Variants in MVB12B observed in about 807,000 individuals in gnomAD.
MVB12B encodes ESCRT-I complex subunit MVB12B.
A neutral mutation model predicts 41.6 loss-of-function variants in MVB12B; 16 were observed. The observed-to-expected ratio is 0.38, with a 90% CI of 0.26 to 0.58. The LOEUF is 0.58. Ranked by LOEUF, MVB12B falls within the 20% of genes least tolerant of loss-of-function variation. MVB12B has a pLI of 0.62. For missense variants in MVB12B, 274 were observed against 380.2 expected (o/e 0.72, Z 2.32); for synonymous variants, 133 against 139.7 (o/e 0.95, Z 0.34).
At chr9:126,380,555 G>C (rs897825975) in intron 2 of MVB12B, among the ~76,000 whole-genome samples, 4 of 152,214 alleles carry the variant, frequency 2.6e-5, no homozygotes, top group Non-Finnish European at 5.9e-5. Flanking sequence ...GCAGGGTGGA[G>C]TGAAATGTTT....
At chr9:126,339,718 A>G (rs954308246) in intron 1 of MVB12B, among the ~76,000 whole-genome samples, 1 of 152,212 alleles carries the variant, frequency 6.6e-6, no homozygotes, top group Admixed American at 6.5e-5. Flanking sequence ...AGTGACGCCT[A>G]TCACATTTCT....
chr9:126,393,247 C>T (rs1303549134), intron 5 of MVB12B, among the ~76,000 whole-genome samples: 2 of 152,230 alleles, frequency 1.3e-5, no homozygotes, highest in Non-Finnish European at 2.9e-5. Context: ...GTTGGGGAGG[C>T]AGGACTGGCA....
At chr9:126,362,957 C>A (rs376518952) in intron 2 of MVB12B, among the ~76,000 whole-genome samples, 1 of 152,066 alleles carries the variant, frequency 6.6e-6, no homozygotes, top group South Asian at 2.1e-4. Flanking sequence ...GAAGCCGAGG[C>A]GGGGGTATCA....
chr9:126,374,684 G>A (rs910805322), intron 2 of MVB12B, among the ~76,000 whole-genome samples: 1 of 152,228 alleles, frequency 6.6e-6, no homozygotes, highest in Non-Finnish European at 1.5e-5. Context: ...TAGCTGTGGG[G>A]AAGGCTGGAA....
intron 2 of MVB12B, among the ~76,000 whole-genome samples, chr9:126,364,266 C>G (rs1830102698): frequency 6.6e-6 from 1 of 152,212 alleles, no homozygotes; most frequent in Non-Finnish European, 1.5e-5. Flanking sequence ...TATCTCCTTT[C>G]CTTTCTTGCC....
At chr9:126,464,172 A>G (rs1833146658) in intron 7 of MVB12B, among the ~76,000 whole-genome samples, 1 of 152,190 alleles carries the variant, frequency 6.6e-6, no homozygotes, top group African/African-American at 2.4e-5. Flanking sequence ...ACATCCAGGC[A>G]GATGATCGGA....
At chr9:126,464,354 TAGC>T (rs1833155798) in intron 7 of MVB12B, among the ~76,000 whole-genome samples, 1 of 152,164 alleles carries the variant, frequency 6.6e-6, no homozygotes, top group Admixed American at 6.5e-5. Context: ...AGAAAGTGGT[TAGC>T]AGGCCAGAAT....
At chr9:126,372,936 A>G (rs577147046) in intron 2 of MVB12B, among the ~76,000 whole-genome samples, 2 of 152,284 alleles carry the variant, frequency 1.3e-5, no homozygotes, top group African/African-American at 4.8e-5. Context: ...GGGCACAGTT[A>G]GGAAAGACCT....
intron 2 of MVB12B, among the ~76,000 whole-genome samples, chr9:126,350,634 G>A (rs950916659): frequency 6.6e-6 from 1 of 152,140 alleles, no homozygotes; most frequent in African/African-American, 2.4e-5. Flanking sequence ...TAACATGCTA[G>A]CTCAGATCTC....
At chr9:126,416,854 G>A (rs951487643) in intron 6 of MVB12B, among the ~76,000 whole-genome samples, 1 of 152,310 alleles carries the variant, frequency 6.6e-6, no homozygotes, top group East Asian at 1.9e-4. Flanking sequence ...TGGGGAACTG[G>A]AATCTCATCT....
At position 126,395,385 on chromosome 9, in the gene MVB12B, G is replaced by A. The variant is rs1198331533; in HGVS notation, c.540-190G>A. Among the ~76,000 whole-genome samples, 2 of 152,220 alleles carry A rather than the reference G, an allele frequency of 1.3e-5. No individual in the cohort carries two copies. The highest frequency in any genetic ancestry group is 4.8e-5 in the African/African-American group (2 of 41,460). On this transcript the variant is annotated intron_variant, in intron 5 of 9. Transcript: ENST00000361171. This position sits in a 1 kb window ranked among gnomAD's most constrained non-coding sequence, Gnocchi z 4.9. Reference sequence around the variant, plus strand: ...TCCCGAAGGCCTGCCTAGATGGAACGGGTCACCCTCGTGTGAACTATGACA... The same window carrying A: ...TCCCGAAGGCCTGCCTAGATGGAACAGGTCACCCTCGTGTGAACTATGACA...
chr9:126,467,406 A>C (rs1833222648), intron 7 of MVB12B, among the ~76,000 whole-genome samples: 1 of 152,188 alleles, frequency 6.6e-6, no homozygotes. Context: ...GTTAGCTTCG[A>C]TCACCTGGCG....
rs368142152 is a variant in MVB12B, at chr9:126,392,706, G to A, written c.539+511G>A. 1.7e-4 allele frequency among the ~76,000 whole-genome samples: 26 copies of A among 152,240 alleles called. No homozygotes were observed. The highest frequency in any genetic ancestry group is 5.8e-4 in the African/African-American group (24 of 41,462). On this transcript the variant is annotated intron_variant, in intron 5 of 9. Coordinates refer to ENST00000361171, the MANE Select transcript of MVB12B (RefSeq NM_033446.3). The surrounding 1 kb of genome is among the most constrained non-coding windows in gnomAD (Gnocchi z 4.8). The stretch of plus-strand genomic sequence containing the variant: ...GATGGAGTGGGGGCCTCTTCCGTGA[G>A]GGGGTCAGGAAGGTGACACTTGAGC...
At chr9:126,498,380 T>C (rs1833882260) in intron 9 of MVB12B, among the ~76,000 whole-genome samples, 1 of 152,182 alleles carries the variant, frequency 6.6e-6, no homozygotes, top group African/African-American at 2.4e-5. Context: ...CATCAGTGTC[T>C]GTCCACCCCT....
intron 9 of MVB12B, among the ~76,000 whole-genome samples, chr9:126,489,208 G>T (rs963732132): frequency 6.6e-6 from 1 of 152,246 alleles, no homozygotes; most frequent in Non-Finnish European, 1.5e-5. Flanking sequence ...GGGCTGTGTA[G>T]GCAGTGGACA....
At chr9:126,407,497 C>T (rs1831476541) in intron 6 of MVB12B, among the ~76,000 whole-genome samples, 1 of 152,194 alleles carries the variant, frequency 6.6e-6, no homozygotes, top group Admixed American at 6.5e-5. Context: ...AGGAGGGCGT[C>T]ATTAATAACC....
At chr9:126,404,207 G>A (rs1447567978) in intron 6 of MVB12B, among the ~76,000 whole-genome samples, 2 of 151,994 alleles carry the variant, frequency 1.3e-5, no homozygotes, top group African/African-American at 4.8e-5. Context: ...CGCCTGCCTC[G>A]ACCTCCCAAA....
intron 2 of MVB12B, among the ~76,000 whole-genome samples, chr9:126,347,901 A>G (rs896832384): frequency 1.3e-5 from 2 of 152,196 alleles, no homozygotes; most frequent in Non-Finnish European, 1.5e-5. Flanking sequence ...GGGGGCAGGA[A>G]AATTGCCCTC....
chr9:126,365,980 G>A (rs1452822183), intron 2 of MVB12B, among the ~76,000 whole-genome samples: 1 of 152,132 alleles, frequency 6.6e-6, no homozygotes. Context: ...TCCTTCCCAA[G>A]ATTAATCCCA....
Sources: allele counts gnomAD v4.1 joint callset (sites outside exome capture counted in the v4.1 genomes callset), GRCh38; gene constraint gnomAD v4.1.1; non-coding constraint Gnocchi (gnomAD v3.1); transcripts MANE v1.5; gene names NCBI Gene and HGNC (gene_info 2026-07-23, HGNC 2026-07-21).